EXT1: variants seen among roughly 807,000 people sequenced by gnomAD.
EXT1 encodes exostosin glycosyltransferase 1.
EXT1 carries 20 observed loss-of-function variants against 82.5 expected under a neutral mutation model. That is an observed-to-expected ratio of 0.24 (90% CI 0.17 to 0.35). The LOEUF is 0.35. Among genes scored for constraint, EXT1 ranks in the 10% least tolerant of loss-of-function variants. EXT1 has a pLI of 1.00. For synonymous variants in EXT1, 348 were observed against 350.8 expected (o/e 0.99, Z 0.09); for missense variants, 757 against 936.5 (o/e 0.81, Z 2.50).
Position 117,796,339 on chromosome 8 carries a change from G to A in EXT1, c.*3373C>T, listed in dbSNP as rs1823087286. 6.8e-6 allele frequency: 1 copy of A among 147,928 alleles called. No homozygotes were observed. The highest frequency in any genetic ancestry group is 1.5e-5 in the Non-Finnish European group (1 of 67,320). 9.2% of individuals were successfully genotyped at this position (147,928 alleles called of 1,614,324 possible). On this transcript the variant is annotated 3_prime_UTR_variant, in exon 11 of 11. Coordinates refer to ENST00000378204, the MANE Select transcript of EXT1 (RefSeq NM_000127.3). Reference sequence around the variant, plus strand: ...CTGATCCTGCCCTTTAAACAGGTTTGTTCTTAAATCAAGTGCCCTGTTTTT... The same window carrying A: ...CTGATCCTGCCCTTTAAACAGGTTTATTCTTAAATCAAGTGCCCTGTTTTT...
At chr8:117,975,525 A>G (rs1815044476) in intron 1 of EXT1, among the ~76,000 whole-genome samples, 1 of 152,010 alleles carries the variant, frequency 6.6e-6, no homozygotes. Flanking sequence ...TTCCATCAAA[A>G]TATATGTTTC....
At chr8:117,850,626 TTCCAAAGCCAAGTCAGAGCTAAAGCTAG>T (rs1812436729) in intron 1 of EXT1, among the ~76,000 whole-genome samples, 1 of 152,218 alleles carries the variant, frequency 6.6e-6, no homozygotes, top group Admixed American at 6.5e-5. Flanking sequence ...GCAAAACCAT[TTCCAAAGCCAAGTCAGAGCTAAAGCTAG>T]ATAACTATTC....
At chr8:117,970,745 T>C (rs1408407772) in intron 1 of EXT1, among the ~76,000 whole-genome samples, 1 of 152,180 alleles carries the variant, frequency 6.6e-6, no homozygotes, top group Non-Finnish European at 1.5e-5. Flanking sequence ...CAAACTTCAT[T>C]GAGTGGAATC....
chr8:117,961,682 A>T (rs1814702209), intron 1 of EXT1, among the ~76,000 whole-genome samples: 1 of 152,230 alleles, frequency 6.6e-6, no homozygotes, highest in African/African-American at 2.4e-5. Context: ...TTAAGGATAA[A>T]TATTCTTGCA....
At chr8:117,949,519 AAATAT>A (rs936262287) in intron 1 of EXT1, among the ~76,000 whole-genome samples, 42 of 149,156 alleles carry the variant, frequency 2.8e-4, no homozygotes, top group African/African-American at 9.8e-4. Context: ...TATGATATAT[AAATAT>A]AATATATATA....
At chr8:117,831,706 A>C (rs943898882) in intron 3 of EXT1, 1 of 470,558 alleles carries the variant, frequency 2.1e-6, no homozygotes, top group Non-Finnish European at 4.4e-6. Flanking sequence ...AAAGTCACCC[A>C]TGGCATTTGA....
chr8:118,000,611 C>A (rs182272319), intron 1 of EXT1, among the ~76,000 whole-genome samples: 14 of 152,338 alleles, frequency 9.2e-5, no homozygotes, highest in African/African-American at 3.4e-4. Flanking sequence ...TACGCCCTGA[C>A]CTCGCAGCTG....
chr8:117,844,351 C>T (rs1306568714), intron 1 of EXT1, among the ~76,000 whole-genome samples: 1 of 151,740 alleles, frequency 6.6e-6, no homozygotes, highest in Non-Finnish European at 1.5e-5. Context: ...TGGGGTCTCA[C>T]TTTGTTGCCC....
At chr8:117,830,811 C>G (rs943622752) in intron 3 of EXT1, among the ~76,000 whole-genome samples, 3 of 152,128 alleles carry the variant, frequency 2.0e-5, no homozygotes, top group African/African-American at 7.2e-5. Flanking sequence ...TGTCTATGAG[C>G]CTTCCCATCC....
intron 1 of EXT1, among the ~76,000 whole-genome samples, chr8:117,852,554 A>G (rs1453641875): frequency 6.6e-6 from 1 of 152,212 alleles, no homozygotes; most frequent in Non-Finnish European, 1.5e-5. Flanking sequence ...CTAAGACTTT[A>G]TATGACTCTT....
chr8:117,921,037 T>C (rs1813845136), intron 1 of EXT1, among the ~76,000 whole-genome samples: 1 of 152,240 alleles, frequency 6.6e-6, no homozygotes, highest in Non-Finnish European at 1.5e-5. Context: ...GGTCATCCTT[T>C]AATGTTTTGC....
chr8:118,007,079 C>T (rs979027780), intron 1 of EXT1, among the ~76,000 whole-genome samples: 5 of 152,164 alleles, frequency 3.3e-5, no homozygotes, highest in African/African-American at 9.7e-5. Context: ...AGGCGGATCA[C>T]GAGGTCAGGA....
chr8:117,806,296 GTCC>G (rs1366190301), intron 9 of EXT1, among the ~76,000 whole-genome samples: 1 of 152,202 alleles, frequency 6.6e-6, no homozygotes, highest in Non-Finnish European at 1.5e-5. Flanking sequence ...TTCAAACCCT[GTCC>G]TCCTCCCCTG....
chr8:117,862,620 T>A (rs1279506623), intron 1 of EXT1, among the ~76,000 whole-genome samples: 2 of 145,316 alleles, frequency 1.4e-5, no homozygotes, highest in African/African-American at 4.9e-5. Flanking sequence ...GGATGTTAGA[T>A]CTACAAAGGG....
intron 1 of EXT1, among the ~76,000 whole-genome samples, chr8:117,897,557 G>C (rs911724518): frequency 1.4e-5 from 2 of 146,754 alleles, no homozygotes; most frequent in Non-Finnish European, 3.0e-5. Context: ...CTTTCCAAGA[G>C]TGTCTTTGTA....
intron 1 of EXT1, among the ~76,000 whole-genome samples, chr8:117,939,783 T>C (rs4876777): frequency 0.75 from 113,853 of 152,054 alleles, 44,098 homozygotes; most frequent in African/African-American, 0.94. Context: ...GAGTTGTGCA[T>C]ACATCTGTCT....
At chr8:117,864,073 T>C (rs1428042147) in intron 1 of EXT1, among the ~76,000 whole-genome samples, 1 of 152,204 alleles carries the variant, frequency 6.6e-6, no homozygotes, top group East Asian at 1.9e-4. Context: ...GACAATTCTA[T>C]ACCTACTCCG....
In EXT1 at chr8:117,922,038, T is replaced by C. The variant is rs1054800294; in HGVS notation, c.963-84837A>G. On this transcript the variant is annotated intron_variant, in intron 1 of 10. Coordinates refer to ENST00000378204, the MANE Select transcript of EXT1 (RefSeq NM_000127.3). ...TTTAAAAGTTTCACTGAAATTCCCA[T>C]AAAACTGCAGGAATTCAACTGCCAA... 2.6e-5 allele frequency among the ~76,000 whole-genome samples: 4 copies of C among 151,714 alleles called. No individual in the cohort carries two copies. The South Asian group carries it at 6.2e-4, about 24-fold the overall frequency.
At chr8:117,874,971 T>C (rs952228691) in intron 1 of EXT1, among the ~76,000 whole-genome samples, 2 of 152,206 alleles carry the variant, frequency 1.3e-5, no homozygotes, top group Non-Finnish European at 2.9e-5. Context: ...TAAAAGATTT[T>C]AAACTGCAGC....
Sources: gnomAD v4.1 joint callset for allele counts (sites outside exome capture counted in the v4.1 genomes callset) on GRCh38, gnomAD v4.1.1 for gene constraint, MANE v1.5 for transcripts, NCBI Gene and HGNC (gene_info 2026-07-23, HGNC 2026-07-21) for gene names.